The following PIM3 variants were observed in gnomAD, a reference collection of about 807,000 sequenced individuals.
PIM3 encodes Pim-3 proto-oncogene, serine/threonine kinase.
Under a neutral mutation model 27.5 loss-of-function variants are expected in PIM3, and 13 were observed. The ratio of observed to expected loss-of-function variants is 0.47; its 90% confidence interval spans 0.31 to 0.75. The LOEUF (loss-of-function observed/expected upper bound fraction) is 0.75. Ranked by LOEUF, PIM3 falls within the 30% of genes least tolerant of loss-of-function variation. PIM3 has a pLI of 0.05. For missense variants in PIM3, 482 were observed against 476.9 expected (o/e 1.01, Z -0.10); for synonymous variants, 341 against 221.1 (o/e 1.54, Z -4.81).
Position 49,961,146 on chromosome 22 carries a change from T to C in PIM3, c.107T>C (p.Phe36Ser). Residue 36 changes from phenylalanine (F) to serine (S), a missense_variant, in exon 2 of 6, where the codon TTC becomes TCC. Physicochemically the swap from Phe to Ser is radical, Grantham distance 155. Transcript: ENST00000360612. ...GCAGCCAAGGCGGACAAGGAGAGCT[T>C]CGAGAAGGCGTACCAGGTGGGCGCC... ...LQPAKADKES[F>S]EKAYQVGAVL... 16 of 1,518,950 alleles carry C rather than the reference T, an allele frequency of 1.1e-5. No individual in the cohort carries two copies. Among genetic ancestry groups the C allele is most frequent in the Non-Finnish European group, 1.3e-5 (15 of 1,136,264 alleles). The allele number at this position is 1,518,950 out of a possible 1,614,324, so 94.1% of individuals were successfully genotyped here.
chr22:49,963,991 G>A lies in PIM3; in HGVS notation c.*864G>A, dbSNP rs908872556. The A allele has an allele frequency of 6.6e-6, 1 of 152,448 alleles. No individual in the cohort carries two copies. The highest frequency in any genetic ancestry group is 2.4e-5 in the African/African-American group (1 of 41,552). The allele number at this position is 152,448 out of a possible 1,614,324, so 9.4% of individuals were successfully genotyped here. A position where few individuals can be genotyped will look rare whatever the true frequency, so the allele number is the denominator to read the frequency against. On this transcript the variant is annotated 3_prime_UTR_variant, in exon 6 of 6. Coordinates refer to ENST00000360612, the MANE Select transcript of PIM3 (RefSeq NM_001001852.4). ...CGGTGTGTGCAGGCATCGCAGATGG[G>A]GGTTCTTTCAGTTCAAAAGTGAGAT...
chr22:49,960,996 G>A lies in PIM3; in HGVS notation c.49G>A (p.Gly17Ser). 1 of 1,395,006 alleles carries A rather than the reference G, an allele frequency of 7.2e-7. No individual in the cohort carries two copies. Among genetic ancestry groups the A allele is most frequent in the South Asian group, 1.4e-5 (1 of 69,298 alleles). 86.4% of individuals were successfully genotyped at this position (1,395,006 alleles called of 1,614,324 possible). A position where few individuals can be genotyped will look rare whatever the true frequency, so the allele number is the denominator to read the frequency against. The change falls in exon 1 of 6, where the codon GGC (glycine) becomes AGC (serine). Residue 17 changes from glycine to serine, a missense_variant. Physicochemically the swap from Gly to Ser is moderately conservative, Grantham distance 56. Coordinates refer to ENST00000360612, the MANE Select transcript of PIM3 (RefSeq NM_001001852.4). ...CCTGGCGCACCTCTGCGGGCCCGGC[G>A]GCGTGGACCACCTCCCGGTGAAGAT... is the stretch of plus-strand genomic sequence containing the variant. ...GSLAHLCGPG[G>S]VDHLPVKILQ... is the part of the protein sequence containing the mutation.
At position 49,960,833 on chromosome 22, in the gene PIM3, C is replaced by A. The variant is rs2060901876; in HGVS notation, c.-115C>A. 3 of 717,142 alleles carry A rather than the reference C, an allele frequency of 4.2e-6. No individual in the cohort carries two copies. Among genetic ancestry groups the A allele is most frequent in the African/African-American group, 3.9e-5 (2 of 51,734 alleles). 44.4% of individuals were successfully genotyped at this position (717,142 alleles called of 1,614,324 possible). A position where few individuals can be genotyped will look rare whatever the true frequency, so the allele number is the denominator to read the frequency against. The stretch of plus-strand genomic sequence containing the variant: ...CCCCGCGGGCCTTCCGGGCCCACTG[C>A]GCCGCGCGGACCGCCTCGGGCTCGG... On this transcript the variant is annotated 5_prime_UTR_variant, in exon 1 of 6. Transcript: ENST00000360612.
chr22:49,962,830 G>T lies in PIM3; in HGVS notation c.758G>T (p.Arg253Leu), dbSNP rs1472607930. ...TTCGAGCAGGACGAGGAGATCCTCC[G>T]AGGCCGCCTGCTCTTCCGGAGGAGG... ...IPFEQDEEIL[R>L]GRLLFRRRVS... The change falls in exon 5 of 6, where the codon CGA (arginine) becomes CTA (leucine). Residue 253 changes from arginine (R) to leucine (L), a missense_variant. Transcript: ENST00000360612. The T allele has an allele frequency of 6.2e-7, 1 of 1,611,376 alleles. No individual in the cohort carries two copies. The highest frequency in any genetic ancestry group is 1.1e-5 in the South Asian group (1 of 91,074).
At position 49,963,311 on chromosome 22, in the gene PIM3, C is replaced by G; in HGVS notation, c.*184C>G. 5 of 668,116 alleles carry G rather than the reference C, an allele frequency of 7.5e-6. No individual in the cohort carries two copies. Among genetic ancestry groups the G allele is most frequent in the Non-Finnish European group, 1.2e-5 (5 of 414,208 alleles). 41.4% of individuals were successfully genotyped at this position (668,116 alleles called of 1,614,324 possible). The stretch of plus-strand genomic sequence containing the variant: ...TCCCGCGGGACTTGGTTTTCTCAAG[C>G]TCTGTCTGTCCAAAGACGCTCCGGT... On this transcript the variant is annotated 3_prime_UTR_variant, in exon 6 of 6. Coordinates refer to ENST00000360612, the MANE Select transcript of PIM3 (RefSeq NM_001001852.4).
In PIM3 at chr22:49,963,804, C is replaced by T. The variant is rs1004029077; in HGVS notation, c.*677C>T. The T allele has an allele frequency of 2.0e-5, 3 of 152,374 alleles. No homozygotes were observed. Among genetic ancestry groups the T allele is most frequent in the Non-Finnish European group, 2.9e-5 (2 of 68,064 alleles). The allele number at this position is 152,374 out of a possible 1,614,324, so 9.4% of individuals were successfully genotyped here. ...GTCAGAAGATGAACATGTATAGTGGCTAACTTAAGGGGAGTGGGTGACCCT... is the reference window on the plus strand; with the variant it reads ...GTCAGAAGATGAACATGTATAGTGGTTAACTTAAGGGGAGTGGGTGACCCT... On this transcript the variant is annotated 3_prime_UTR_variant, in exon 6 of 6. Transcript: ENST00000360612.
Position 49,962,832 on chromosome 22 carries a change from G to A in PIM3, c.760G>A (p.Gly254Ser). Residue 254 changes from glycine to serine, a missense_variant, in exon 5 of 6, where the codon GGC becomes AGC. Physicochemically the swap from Gly to Ser is moderately conservative, Grantham distance 56. Transcript: ENST00000360612. ...PFEQDEEILR[G>S]RLLFRRRVSP... ...CGAGCAGGACGAGGAGATCCTCCGA[G>A]GCCGCCTGCTCTTCCGGAGGAGGGT... 3 of 1,611,402 alleles carry A rather than the reference G, an allele frequency of 1.9e-6. No homozygotes were observed. Among genetic ancestry groups the A allele is most frequent in the Non-Finnish European group, 2.5e-6 (3 of 1,179,874 alleles).
chr22:49,961,790 A>T lies in PIM3; in HGVS notation c.595A>T (p.Thr199Ser). ...CGGTTCGGGTGCGCTGCTCAAGGAC[A>T]CGGTCTACACCGACTTCGACGGTGA... The part of the protein sequence containing the change: ...DFGSGALLKD[T>S]VYTDFDGTRV... Residue 199 changes from threonine to serine, a missense_variant, in exon 4 of 6, where the codon ACG becomes TCG. Transcript: ENST00000360612. 7 of 1,609,824 alleles carry T rather than the reference A, an allele frequency of 4.3e-6. No homozygotes were observed. Among genetic ancestry groups the T allele is most frequent in the Non-Finnish European group, 5.9e-6 (7 of 1,178,624 alleles).
rs1738169824 is a variant in PIM3, at chr22:49,961,591, C to A, written c.396C>A (p.Leu132=). The A allele has an allele frequency of 6.5e-7, 1 of 1,548,780 alleles. No individual in the cohort carries two copies. The highest frequency in any genetic ancestry group is 2.4e-5 in the East Asian group (1 of 40,938). The change falls in exon 4 of 6, where the codon CTC becomes CTA. Residue 132 remains leucine (L), a synonymous_variant. Transcript: ENST00000360612. ...AGCGGCCCGAGCCGGCGCAGGACCT[C>A]TTCGACTTTATCACGGAGCGCGGCG... ...VLERPEPAQD[L]FDFITERGAL...
At position 49,963,018 on chromosome 22, in the gene PIM3, C is replaced by A; in HGVS notation, c.872C>A (p.Pro291His). 1 of 1,612,182 alleles carries A rather than the reference C, an allele frequency of 6.2e-7. No individual in the cohort carries two copies. The highest frequency in any genetic ancestry group is 8.5e-7 in the Non-Finnish European group (1 of 1,179,800). The change falls in exon 6 of 6, where the codon CCC becomes CAC. Residue 291 changes from proline to histidine, a missense_variant. Physicochemically the swap from Pro to His is moderately conservative, Grantham distance 77. Coordinates refer to ENST00000360612, the MANE Select transcript of PIM3 (RefSeq NM_001001852.4). ...RPSLDQIAAH[P>H]WMLGADGGVP... ...TCGCTGGATCAGATTGCGGCCCATC[C>A]CTGGATGCTGGGGGCTGACGGGGGC...
In PIM3 at chr22:49,963,664, G is replaced by A. The variant is rs2060921648; in HGVS notation, c.*537G>A. On this transcript the variant is annotated 3_prime_UTR_variant, in exon 6 of 6. Transcript: ENST00000360612. ...TATTTGTTGAGGTTATTTCCTCTGA[G>A]CAGTCTGCCTCTCCCAAGCCCCAGG... 6.5e-6 allele frequency: 1 copy of A among 152,816 alleles called. No homozygotes were observed. Among genetic ancestry groups the A allele is most frequent in the Admixed American group, 6.5e-5 (1 of 15,286 alleles). 9.5% of individuals were successfully genotyped at this position (152,816 alleles called of 1,614,324 possible). A position where few individuals can be genotyped will look rare whatever the true frequency, so the allele number is the denominator to read the frequency against.
At chr22:49,962,329 T>TCC (rs973897276) in intron 4 of PIM3, among the ~76,000 whole-genome samples, 1 of 30,268 alleles carries the variant, frequency 3.3e-5, no homozygotes, top group Non-Finnish European at 7.2e-5. Context: ...CGCCCGCCCC[T>TCC]CCCTCCTCCC....
In PIM3 at chr22:49,960,967, G is replaced by A; in HGVS notation, c.20G>A (p.Gly7Asp). Residue 7 changes from glycine to aspartate, a missense_variant, in exon 1 of 6, where the codon GGC becomes GAC. Gly to Asp is a moderately conservative substitution (Grantham distance 94, BLOSUM62 -1). Transcript: ENST00000360612. Reference sequence around the variant, plus strand: ...CCCGCGATGCTGCTCTCCAAGTTCGGCTCCCTGGCGCACCTCTGCGGGCCC... The same window carrying A: ...CCCGCGATGCTGCTCTCCAAGTTCGACTCCCTGGCGCACCTCTGCGGGCCC... MLLSKF[G>D]SLAHLCGPGG... 7.2e-7 allele frequency: 1 copy of A among 1,382,964 alleles called. No homozygotes were observed. Among genetic ancestry groups the A allele is most frequent in the East Asian group, 3.4e-5 (1 of 29,302 alleles). The allele number at this position is 1,382,964 out of a possible 1,614,324, so 85.7% of individuals were successfully genotyped here. A position where few individuals can be genotyped will look rare whatever the true frequency, so the allele number is the denominator to read the frequency against.
intron 4 of PIM3, 66 bp downstream of exon 4, chr22:49,961,877 C>G: frequency 6.3e-7 from 1 of 1,583,518 alleles, no homozygotes; most frequent in Non-Finnish European, 8.6e-7. Flanking sequence ...CCTGCAGGGG[C>G]GGCACATGGA....
rs2060919754 is a variant in PIM3, at chr22:49,963,374, AGAC to A, written c.*249_*251del. 1 of 476,494 alleles carries A rather than the reference AGAC, an allele frequency of 2.1e-6. No individual in the cohort carries two copies. The highest frequency in any genetic ancestry group is 3.7e-6 in the Non-Finnish European group (1 of 267,016). 29.5% of individuals were successfully genotyped at this position (476,494 alleles called of 1,614,324 possible). A position where few individuals can be genotyped will look rare whatever the true frequency, so the allele number is the denominator to read the frequency against. ...TGCCCTGGGTGGATACTTGAACCCCAGACGCCCCTCTGTGCTGCTGTGTCCGGA... is the reference window on the plus strand; with the variant it reads ...TGCCCTGGGTGGATACTTGAACCCCAGCCCCTCTGTGCTGCTGTGTCCGGA... On this transcript the variant is annotated 3_prime_UTR_variant, in exon 6 of 6. Coordinates refer to ENST00000360612, the MANE Select transcript of PIM3 (RefSeq NM_001001852.4).
rs747033491 is a variant in PIM3, at chr22:49,961,678, C to T, written c.483C>T (p.Cys161=). The change falls in exon 4 of 6, where the codon TGC becomes TGT. Residue 161 remains cysteine, a synonymous_variant. Transcript: ENST00000360612. ...AGGTGCTGGCCGCCGTGCGCCACTG[C>T]CACAGCTGCGGGGTCGTGCACCGCG... ...FAQVLAAVRH[C]HSCGVVHRDI... is the part of the protein sequence containing the mutation. 7 of 1,595,160 alleles carry T rather than the reference C, an allele frequency of 4.4e-6. No individual in the cohort carries two copies. In the East Asian group the frequency reaches 1.1e-4, roughly 26 times the overall value.
rs1217552039 is a variant in PIM3, at chr22:49,963,182, C to T, written c.*55C>T. 3 of 1,465,926 alleles carry T rather than the reference C, an allele frequency of 2.0e-6. No homozygotes were observed. The highest frequency in any genetic ancestry group is 2.5e-5 in the East Asian group (1 of 39,832). The allele number at this position is 1,465,926 out of a possible 1,614,324, so 90.8% of individuals were successfully genotyped here. A position where few individuals can be genotyped will look rare whatever the true frequency, so the allele number is the denominator to read the frequency against. On this transcript the variant is annotated 3_prime_UTR_variant, in exon 6 of 6. Transcript: ENST00000360612. Reference sequence around the variant, plus strand: ...CCACCTGCCTTGGCCAGACCTGGGACGCCCCCAGACCCTGACTTTCTCCTG... The same window carrying T: ...CCACCTGCCTTGGCCAGACCTGGGATGCCCCCAGACCCTGACTTTCTCCTG...
intron 4 of PIM3, 140 bp from the exon 5 acceptor site, chr22:49,962,549 C>A: frequency 5.6e-6 from 5 of 890,952 alleles, no homozygotes; most frequent in Non-Finnish European, 4.7e-6. Flanking sequence ...CGGGGTTTTT[C>A]CAGGGTGATG....
Position 49,963,188 on chromosome 22 carries a change from C to G in PIM3, c.*61C>G, listed in dbSNP as rs570218402. ...GCCTTGGCCAGACCTGGGACGCCCC[C>G]AGACCCTGACTTTCTCCTGCGTGGG... is the stretch of plus-strand genomic sequence containing the variant. On this transcript the variant is annotated 3_prime_UTR_variant, in exon 6 of 6. Transcript: ENST00000360612. 22 of 1,452,494 alleles carry G rather than the reference C, an allele frequency of 1.5e-5. No individual in the cohort carries two copies. In the Admixed American group the frequency reaches 2.1e-4, roughly 14 times the overall value. 90.0% of individuals were successfully genotyped at this position (1,452,494 alleles called of 1,614,324 possible).
Sources: gnomAD v4.1 joint callset for allele counts (sites outside exome capture counted in the v4.1 genomes callset) on GRCh38, gnomAD v4.1.1 for gene constraint, MANE v1.5 for transcripts, NCBI Gene and HGNC (gene_info 2026-07-23, HGNC 2026-07-21) for gene names.